SAP30BP: variants seen among roughly 807,000 people sequenced by gnomAD.
SAP30BP encodes the protein SAP30 binding protein.
SAP30BP carries 31 observed loss-of-function variants against 46.3 expected under a neutral mutation model. The observed-to-expected ratio is 0.67, with a 90% CI of 0.50 to 0.90. SAP30BP has a LOEUF of 0.90. Among genes scored for constraint, SAP30BP ranks in the 40% least tolerant of loss-of-function variants. SAP30BP has a pLI of 0.00. For missense variants in SAP30BP, 312 were observed against 391.0 expected, an observed-to-expected ratio of 0.80 and a Z score of 1.70; for synonymous variants, 169 against 144.2, an observed-to-expected ratio of 1.17 and a Z score of -1.23.
At chr17:75,694,362 A>G (rs2060283166) in intron 4 of SAP30BP, among the ~76,000 whole-genome samples, 1 of 152,152 alleles carries the variant, frequency 6.6e-6, no homozygotes, top group African/African-American at 2.4e-5. Flanking sequence ...CCAGAACTAA[A>G]GGAGCTAGGA....
chr17:75,679,935 C>T (rs1032995649), intron 3 of SAP30BP: 3 of 152,218 alleles, frequency 2.0e-5, no homozygotes, highest in Admixed American at 2.0e-4. Flanking sequence ...CTCCTTTGTC[C>T]ATTTTTACCT....
In SAP30BP at chr17:75,703,559, G is replaced by A. The variant is rs751134071; in HGVS notation, c.549+188G>A. The A allele has an allele frequency of 1.8e-4, 113 of 642,766 alleles. 1 individual carries two copies. Among genetic ancestry groups the A allele is most frequent in the Non-Finnish European group, 1.5e-4 (55 of 365,826 alleles). 39.8% of individuals were successfully genotyped at this position (642,766 alleles called of 1,614,324 possible). A position where few individuals can be genotyped will look rare whatever the true frequency, so the allele number is the denominator to read the frequency against. On this transcript the variant is annotated intron_variant, in intron 7 of 10. Transcript: ENST00000584667. The stretch of plus-strand genomic sequence containing the variant: ...GTCCAATAAAGAGATTCCGGTGGCC[G>A]GCCTGGTGCCTGGCCCCTGACTGGT...
intron 3 of SAP30BP, among the ~76,000 whole-genome samples, chr17:75,675,181 G>A (rs970624956): frequency 2.0e-5 from 3 of 151,798 alleles, no homozygotes; most frequent in East Asian, 3.9e-4. Flanking sequence ...TAGGAGTTTC[G>A]CTCTTGTTGC....
At chr17:75,696,076 C>T (rs1238977248) in intron 4 of SAP30BP, among the ~76,000 whole-genome samples, 2 of 152,204 alleles carry the variant, frequency 1.3e-5, no homozygotes, top group East Asian at 3.8e-4. Flanking sequence ...GACTTGGGCA[C>T]GCACCAGGGC....
chr17:75,706,206 T>C lies in SAP30BP; in HGVS notation c.745+114T>C. ...GGGCCTGGGCTCAGCCTTGCTACTT[T>C]GAGAAGCACCTTTGGAGTCTGGGGT... On this transcript the variant is annotated intron_variant, in intron 10 of 10. Coordinates refer to ENST00000584667, the MANE Select transcript of SAP30BP (RefSeq NM_013260.8). This position sits in a 1 kb window ranked among gnomAD's most constrained non-coding sequence, Gnocchi z 4.6. The C allele has an allele frequency of 6.4e-7, 1 of 1,555,820 alleles. No homozygotes were observed. The highest frequency in any genetic ancestry group is 8.7e-7 in the Non-Finnish European group (1 of 1,152,978).
intron 3 of SAP30BP, 36 bp from the exon 4 acceptor site, chr17:75,693,404 C>G: frequency 6.3e-7 from 1 of 1,591,070 alleles, no homozygotes; most frequent in South Asian, 1.1e-5. Context: ...TCAGGAGCCC[C>G]AGTCTTACCT....
At chr17:75,678,991 G>A (rs889764833) in intron 3 of SAP30BP, among the ~76,000 whole-genome samples, 1 of 134,450 alleles carries the variant, frequency 7.4e-6, no homozygotes, top group Admixed American at 7.5e-5. Context: ...TTTCAGGCAA[G>A]TTTTTTTTTT....
intron 2 of SAP30BP, among the ~76,000 whole-genome samples, chr17:75,670,873 T>A (rs2059897673): frequency 6.6e-6 from 1 of 152,206 alleles, no homozygotes; most frequent in African/African-American, 2.4e-5. Flanking sequence ...AAATGTAGCT[T>A]TGTTGAAAAT....
chr17:75,678,185 CTG>C (rs1396828333), intron 3 of SAP30BP, among the ~76,000 whole-genome samples: 1 of 152,048 alleles, frequency 6.6e-6, no homozygotes, highest in Non-Finnish European at 1.5e-5. Flanking sequence ...ATAATAAAAT[CTG>C]TCTCATTTAT....
intron 3 of SAP30BP, among the ~76,000 whole-genome samples, chr17:75,675,041 A>G (rs765166148): frequency 2.6e-5 from 4 of 152,174 alleles, no homozygotes; most frequent in Non-Finnish European, 4.4e-5. Flanking sequence ...AGAATATGTT[A>G]CAAGTGTGGA....
At chr17:75,689,998 C>T (rs1416071166) in intron 3 of SAP30BP, among the ~76,000 whole-genome samples, 1 of 152,160 alleles carries the variant, frequency 6.6e-6, no homozygotes, top group Non-Finnish European at 1.5e-5. Flanking sequence ...TGAAAAATTA[C>T]CTACCGGGTA....
At chr17:75,668,495 G>C in intron 1 of SAP30BP, 21 bp from the exon 2 acceptor site, 1 of 1,377,674 alleles carries the variant, frequency 7.3e-7, no homozygotes, top group Non-Finnish European at 9.9e-7. Context: ...TTGTTTGTTT[G>C]TTTGTTTTTT....
chr17:75,702,525 G>C lies in SAP30BP; in HGVS notation c.442G>C (p.Asp148His), dbSNP rs1184875814. ...TGAACGAAAGATAAAGGAGGGAATG[G>C]ATATGAACTACATTATCCAAAGGAA... ...LYERKIKEGM[D>H]MNYIIQRKKE... The change falls in exon 6 of 11, where the codon GAT becomes CAT. Residue 148 changes from aspartate to histidine, a missense_variant. Around this residue, in one of 2 missense-constraint regions of SAP30BP, gnomAD observed 296 missense variants for 346.6 expected, o/e 0.85. Coordinates refer to ENST00000584667, the MANE Select transcript of SAP30BP (RefSeq NM_013260.8). The C allele has an allele frequency of 6.3e-7, 1 of 1,589,122 alleles. No individual in the cohort carries two copies. Among genetic ancestry groups the C allele is most frequent in the Non-Finnish European group, 8.6e-7 (1 of 1,158,658 alleles).
chr17:75,690,462 C>T (rs1310044250), intron 3 of SAP30BP, among the ~76,000 whole-genome samples: 1 of 152,136 alleles, frequency 6.6e-6, no homozygotes, highest in Non-Finnish European at 1.5e-5. Flanking sequence ...GATCATAGCT[C>T]ACTGCAGCTT....
At chr17:75,704,717 C>T (rs764787668) in intron 8 of SAP30BP, 39 bp from the exon 9 acceptor site, 5 of 1,527,202 alleles carry the variant, frequency 3.3e-6, no homozygotes, top group African/African-American at 1.4e-5. Context: ...CAGAGCTGCT[C>T]GGGGGCCACC....
intron 5 of SAP30BP, 138 bp from the exon 6 acceptor site, chr17:75,702,342 A>G (rs1399070792): frequency 2.0e-6 from 1 of 497,402 alleles, no homozygotes; most frequent in African/African-American, 2.0e-5. Flanking sequence ...GTTAAATTTT[A>G]ACATGAGGTC....
chr17:75,701,605 G>A (rs976363047), intron 5 of SAP30BP, among the ~76,000 whole-genome samples: 3 of 152,144 alleles, frequency 2.0e-5, no homozygotes, highest in East Asian at 1.9e-4. Context: ...AAACCAGCGC[G>A]GACCAGCCAC....
rs564173009 is a variant in SAP30BP at position 75,687,436 on chromosome 17, T to G, written c.265-6004T>G. Among the ~76,000 whole-genome samples the G allele has an allele frequency of 2.4e-4, 36 of 152,006 alleles. No homozygotes were observed. In the South Asian group the frequency reaches 7.5e-3, roughly 32 times the overall value. On this transcript the variant is annotated intron_variant, in intron 3 of 10. Transcript: ENST00000584667. Reference sequence around the variant, plus strand: ...TTCAAGAGCAGCCTGGGCAACATAGTGAGACCCCATCTCTACAAAAAATTT... The same window carrying G: ...TTCAAGAGCAGCCTGGGCAACATAGGGAGACCCCATCTCTACAAAAAATTT...
chr17:75,676,688 C>T (rs2148378418), intron 3 of SAP30BP, among the ~76,000 whole-genome samples: 1 of 152,310 alleles, frequency 6.6e-6, no homozygotes. Context: ...TTTTCCGTGG[C>T]TTCAGTAACC....
Sources: allele counts gnomAD v4.1 joint callset (sites outside exome capture counted in the v4.1 genomes callset), GRCh38; gene constraint gnomAD v4.1.1; regional missense constraint gnomAD v4.1.1; non-coding constraint Gnocchi (gnomAD v3.1); transcripts MANE v1.5; gene names NCBI Gene and HGNC (gene_info 2026-07-23, HGNC 2026-07-21).